WDR70: variants seen among roughly 807,000 people sequenced by gnomAD.
WDR70 encodes WD repeat domain 70.
Under a neutral mutation model 88.6 loss-of-function variants are expected in WDR70, and 53 were observed. That is an observed-to-expected ratio of 0.60 (90% CI 0.48 to 0.75). The LOEUF (loss-of-function observed/expected upper bound fraction) is 0.75, where lower values mean the gene tolerates loss of function less well. Ranked by LOEUF, WDR70 falls within the 30% of genes least tolerant of loss-of-function variation. The pLI, the probability that WDR70 is intolerant of heterozygous loss-of-function variation, is 0.00. For synonymous variants in WDR70, 280 were observed against 270.0 expected, an observed-to-expected ratio of 1.04 and a Z score of -0.36; for missense variants, 610 against 823.2, an observed-to-expected ratio of 0.74 and a Z score of 3.17.
At chr5:37,643,262 CT>C (rs1745152744) in intron 10 of WDR70, among the ~76,000 whole-genome samples, 1 of 151,998 alleles carries the variant, frequency 6.6e-6, no homozygotes, top group East Asian at 1.9e-4. Context: ...AGTGTATACT[CT>C]TGGCACCTTT....
intron 10 of WDR70, among the ~76,000 whole-genome samples, chr5:37,693,236 C>T (rs1039341053): frequency 2.6e-5 from 4 of 152,180 alleles, no homozygotes; most frequent in African/African-American, 9.7e-5. Context: ...GAAGAACATT[C>T]CATGCTCATG....
intron 9 of WDR70, among the ~76,000 whole-genome samples, chr5:37,589,828 C>T (rs1301419570): frequency 6.6e-6 from 1 of 152,076 alleles, no homozygotes; most frequent in East Asian, 1.9e-4. Flanking sequence ...TCTTGAATAC[C>T]TGGACTCAAG....
chr5:37,562,446 CTT>C (rs764940127), intron 9 of WDR70, among the ~76,000 whole-genome samples: 11 of 115,528 alleles, frequency 9.5e-5, no homozygotes, highest in African/African-American at 1.8e-4. Context: ...GCTTAATTCT[CTT>C]TTTTTTTTTT....
chr5:37,585,692 C>T (rs763240344), intron 9 of WDR70, among the ~76,000 whole-genome samples: 1 of 152,142 alleles, frequency 6.6e-6, no homozygotes, highest in Non-Finnish European at 1.5e-5. Flanking sequence ...ACACTGTCTT[C>T]ATTCCTTTTT....
intron 10 of WDR70, among the ~76,000 whole-genome samples, chr5:37,641,469 T>C (rs994017815): frequency 7.1e-5 from 10 of 140,796 alleles, no homozygotes; most frequent in Non-Finnish European, 1.2e-4. Context: ...CAGGCTGGAG[T>C]ACAATGGTGT....
At chr5:37,663,393 A>G (rs1456766132) in intron 10 of WDR70, among the ~76,000 whole-genome samples, 1 of 152,168 alleles carries the variant, frequency 6.6e-6, no homozygotes, top group Non-Finnish European at 1.5e-5. Flanking sequence ...CTACTCGACT[A>G]TCCCAGTAAT....
intron 10 of WDR70, among the ~76,000 whole-genome samples, chr5:37,693,677 C>T (rs1254887375): frequency 1.3e-5 from 2 of 152,138 alleles, no homozygotes; most frequent in East Asian, 3.9e-4. Context: ...AACTGGATCC[C>T]TTCCTTACAC....
chr5:37,656,485 C>T (rs1232504899), intron 10 of WDR70, among the ~76,000 whole-genome samples: 1 of 152,200 alleles, frequency 6.6e-6, no homozygotes, highest in East Asian at 1.9e-4. Flanking sequence ...GCTGGGAGAT[C>T]CACTGCTCTC....
chr5:37,715,365 G>C (rs1189150475), intron 13 of WDR70, among the ~76,000 whole-genome samples: 1 of 148,062 alleles, frequency 6.8e-6, no homozygotes, highest in Non-Finnish European at 1.5e-5. Flanking sequence ...AAAGACAGTT[G>C]CCACAAGTCT....
intron 13 of WDR70, among the ~76,000 whole-genome samples, chr5:37,709,217 C>T (rs1351358377): frequency 6.6e-6 from 1 of 152,184 alleles, no homozygotes; most frequent in Non-Finnish European, 1.5e-5. Context: ...TTTGAATTAA[C>T]CAGCTTTCCA....
chr5:37,386,308 T>G (rs1407781408), intron 3 of WDR70, among the ~76,000 whole-genome samples: 8 of 152,310 alleles, frequency 5.3e-5, no homozygotes, highest in Non-Finnish European at 1.2e-4. Context: ...TGAACAAGGA[T>G]TGTCTTGTTT....
At chr5:37,677,392 C>A (rs1043965547) in intron 10 of WDR70, among the ~76,000 whole-genome samples, 3 of 152,148 alleles carry the variant, frequency 2.0e-5, no homozygotes, top group Admixed American at 1.3e-4. Context: ...ATTTCCCTCT[C>A]CATACTGCTT....
rs1284647265 is a variant in WDR70, at chr5:37,649,625, A to ATCTTTTCTG, written c.1092+44388_1092+44396dup. ...TCTGGACTATAGATGTGATACAAGT[A>ATCTTTTCTG]TCTTTTCTGATTGTCTCACTGGGTT... On this transcript the variant is annotated intron_variant, in intron 10 of 17. Coordinates refer to ENST00000265107, the MANE Select transcript of WDR70 (RefSeq NM_018034.4). Among the ~76,000 whole-genome samples the ATCTTTTCTG allele has an allele frequency of 1.9e-4, 28 of 150,824 alleles. No homozygotes were observed. The East Asian group carries it at 4.9e-3, about 26-fold the overall frequency.
At chr5:37,746,587 A>G (rs1332607200) in intron 17 of WDR70, among the ~76,000 whole-genome samples, 4 of 152,206 alleles carry the variant, frequency 2.6e-5, no homozygotes, top group African/African-American at 9.6e-5. Context: ...TAAAAGGGAT[A>G]TCACCACTGA....
chr5:37,408,370 A>G (rs1749419793), intron 5 of WDR70, among the ~76,000 whole-genome samples: 1 of 152,122 alleles, frequency 6.6e-6, no homozygotes. Context: ...GCTACTCAGG[A>G]GACTGAGGCA....
At chr5:37,749,843 A>AAAAAC (rs1748753241) in intron 17 of WDR70, among the ~76,000 whole-genome samples, 7 of 149,788 alleles carry the variant, frequency 4.7e-5, no homozygotes, top group Admixed American at 4.0e-4. Context: ...AAAAAAAACC[A>AAAAAC]AAAACGCAGT....
At chr5:37,721,709 A>C (rs1747820375) in intron 14 of WDR70, 2 of 153,200 alleles carry the variant, frequency 1.3e-5, no homozygotes, top group African/African-American at 4.8e-5. Context: ...TGCCCACCCA[A>C]GTTTCAAACT....
Position 37,466,622 on chromosome 5 carries a change from C to T in WDR70, c.687-13212C>T, listed in dbSNP as rs189667894. Among the ~76,000 whole-genome samples, 64 of 130,516 alleles carry T rather than the reference C, an allele frequency of 4.9e-4. 2 individuals are homozygous for T. In the East Asian group the frequency reaches 0.01, roughly 21 times the overall value. 85.6% of individuals were successfully genotyped at this position (130,516 alleles called of 152,430 possible). A position where few individuals can be genotyped will look rare whatever the true frequency, so the allele number is the denominator to read the frequency against. ...TCAGGAGGCTGAGGCAGGAGAATGGCGTGAACCTGGGAGGCAGAGTTTGCA... is the reference window on the plus strand; with the variant it reads ...TCAGGAGGCTGAGGCAGGAGAATGGTGTGAACCTGGGAGGCAGAGTTTGCA... On this transcript the variant is annotated intron_variant, in intron 7 of 17. Transcript: ENST00000265107.
intron 9 of WDR70, among the ~76,000 whole-genome samples, chr5:37,541,484 A>T (rs540476778): frequency 1.3e-5 from 2 of 152,330 alleles, no homozygotes; most frequent in Non-Finnish European, 2.9e-5. Context: ...TGTTATTTTT[A>T]TCTAATCCTA....
Sources: gnomAD v4.1 joint callset for allele counts (sites outside exome capture counted in the v4.1 genomes callset) on GRCh38, gnomAD v4.1.1 for gene constraint, MANE v1.5 for transcripts, NCBI Gene and HGNC (gene_info 2026-07-23, HGNC 2026-07-21) for gene names.